ERBB4: variants seen among roughly 807,000 people sequenced by gnomAD.
ERBB4 encodes the protein receptor tyrosine-protein kinase erbB-4.
In ERBB4, 42 loss-of-function variants were observed where a neutral mutation model predicts 158.0. The observed-to-expected ratio is 0.27, with a 90% confidence interval of 0.21 to 0.34. ERBB4 has a LOEUF of 0.34. Ranked by LOEUF, ERBB4 falls within the 10% of genes least tolerant of loss-of-function variation. The pLI, the probability that ERBB4 is intolerant of heterozygous loss-of-function variation, is 1.00. For synonymous variants in ERBB4, 583 were observed against 558.7 expected, an observed-to-expected ratio of 1.04 and a Z score of -0.61; for missense variants, 1,333 against 1,624.1, an observed-to-expected ratio of 0.82 and a Z score of 3.08.
intron 3 of ERBB4, among the ~76,000 whole-genome samples, chr2:211,856,238 A>G (rs1020898937): frequency 6.6e-6 from 1 of 152,166 alleles, no homozygotes; most frequent in Non-Finnish European, 1.5e-5. Flanking sequence ...GGAAGTCCTC[A>G]TAGGTTACTT....
At chr2:212,371,068 C>A (rs1001220723) in intron 1 of ERBB4, among the ~76,000 whole-genome samples, 1 of 152,100 alleles carries the variant, frequency 6.6e-6, no homozygotes, top group Non-Finnish European at 1.5e-5. Context: ...CAAATCTCAG[C>A]AGTTTCTCAG....
chr2:212,354,022 C>T (rs1292386425), intron 1 of ERBB4, among the ~76,000 whole-genome samples: 2 of 152,100 alleles, frequency 1.3e-5, no homozygotes, highest in Non-Finnish European at 2.9e-5. Flanking sequence ...GAAAAATAAA[C>T]CTGTGCTGTG....
intron 1 of ERBB4, among the ~76,000 whole-genome samples, chr2:212,276,379 C>T (rs2085536455): frequency 1.3e-5 from 2 of 151,726 alleles, no homozygotes; most frequent in Non-Finnish European, 2.9e-5. Context: ...GGGCTGTGAA[C>T]TGTTTCTGTT....
intron 1 of ERBB4, among the ~76,000 whole-genome samples, chr2:212,169,425 T>A (rs2081444464): frequency 6.6e-6 from 1 of 152,152 alleles, no homozygotes; most frequent in Admixed American, 6.6e-5. Flanking sequence ...ATTCTCTATT[T>A]AATGAATGAT....
At chr2:212,269,818 C>G (rs1288105283) in intron 1 of ERBB4, among the ~76,000 whole-genome samples, 1 of 151,778 alleles carries the variant, frequency 6.6e-6, no homozygotes, top group Non-Finnish European at 1.5e-5. Context: ...CTGATTGATA[C>G]TCTACTCTTT....
chr2:212,088,936 T>C (rs2078693888), intron 2 of ERBB4, among the ~76,000 whole-genome samples: 1 of 151,998 alleles, frequency 6.6e-6, no homozygotes, highest in Non-Finnish European at 1.5e-5. Flanking sequence ...CAGAGAAAGC[T>C]CAAATTCTAG....
intron 2 of ERBB4, among the ~76,000 whole-genome samples, chr2:211,958,278 C>T (rs2125167416): frequency 6.6e-6 from 1 of 152,168 alleles, no homozygotes; most frequent in Non-Finnish European, 1.5e-5. Context: ...ACGCAATAGG[C>T]ATTCTATGGA....
intron 1 of ERBB4, among the ~76,000 whole-genome samples, chr2:212,513,014 A>T (rs1287675102): frequency 6.6e-6 from 1 of 151,960 alleles, no homozygotes; most frequent in African/African-American, 2.4e-5. Flanking sequence ...CCACTTTTCC[A>T]CTCTTCATCT....
intron 1 of ERBB4, among the ~76,000 whole-genome samples, chr2:212,374,346 T>A (rs1195519111): frequency 6.6e-6 from 1 of 151,622 alleles, no homozygotes; most frequent in African/African-American, 2.4e-5. Context: ...ATAGGAATAA[T>A]AAATAACAAA....
At chr2:212,393,146 T>C (rs1025365702) in intron 1 of ERBB4, among the ~76,000 whole-genome samples, 12 of 152,046 alleles carry the variant, frequency 7.9e-5, no homozygotes, top group African/African-American at 2.9e-4. Context: ...CTGTTCAAAT[T>C]ATTCTGTCCC....
chr2:212,132,520 AG>A (rs2080136848), intron 1 of ERBB4, among the ~76,000 whole-genome samples: 1 of 152,204 alleles, frequency 6.6e-6, no homozygotes, highest in South Asian at 2.1e-4. Context: ...TAGAATAAAA[AG>A]GCAGAGGAAA....
intron 2 of ERBB4, among the ~76,000 whole-genome samples, chr2:212,052,929 T>C (rs1425380727): frequency 6.6e-6 from 1 of 152,238 alleles, no homozygotes; most frequent in Non-Finnish European, 1.5e-5. Context: ...CTTTCTTTCC[T>C]GACAATACTT....
chr2:212,265,335 A>G (rs1005947791), intron 1 of ERBB4, among the ~76,000 whole-genome samples: 2 of 152,170 alleles, frequency 1.3e-5, no homozygotes, highest in Non-Finnish European at 2.9e-5. Context: ...AAAAGCTTTC[A>G]TCAAGAAGGT....
intron 1 of ERBB4, among the ~76,000 whole-genome samples, chr2:212,268,024 T>C (rs1574559539): frequency 6.6e-6 from 1 of 152,002 alleles, no homozygotes; most frequent in East Asian, 1.9e-4. Context: ...CAAATCTTTT[T>C]AGCAGAGAAG....
intron 4 of ERBB4, chr2:211,778,341 G>A (rs1327207502): frequency 1.3e-5 from 2 of 152,142 alleles, no homozygotes; most frequent in East Asian, 1.9e-4. Context: ...GCACAAGGGC[G>A]GGGATAGTAG....
chr2:212,188,969 T>C (rs895194664), intron 1 of ERBB4, among the ~76,000 whole-genome samples: 1 of 151,646 alleles, frequency 6.6e-6, no homozygotes, highest in Non-Finnish European at 1.5e-5. Context: ...TTTCTATACA[T>C]GTAGTCAAAT....
chr2:211,655,631 T>A (rs1269108422), intron 16 of ERBB4, among the ~76,000 whole-genome samples: 1 of 152,170 alleles, frequency 6.6e-6, no homozygotes. Flanking sequence ...AAGAAAATCA[T>A]CAAAGCAAAT....
chr2:212,303,292 A>G (rs2086687855), intron 1 of ERBB4, among the ~76,000 whole-genome samples: 1 of 151,336 alleles, frequency 6.6e-6, no homozygotes, highest in African/African-American at 2.4e-5. Flanking sequence ...ATTTCTCCCT[A>G]TTTCACTTTA....
chr2:212,501,165 C>T (rs964746304), intron 1 of ERBB4, among the ~76,000 whole-genome samples: 3 of 152,102 alleles, frequency 2.0e-5, no homozygotes, highest in African/African-American at 7.2e-5. Context: ...CACAGCCACA[C>T]ATCTAATGAC....
Sources: allele counts gnomAD v4.1 joint callset (sites outside exome capture counted in the v4.1 genomes callset), GRCh38; gene constraint gnomAD v4.1.1; transcripts MANE v1.5; gene names NCBI Gene and HGNC (gene_info 2026-07-23, HGNC 2026-07-21).